Variants in ATG4C observed in about 807,000 individuals in gnomAD.
ATG4C encodes the protein autophagy related 4C cysteine peptidase.
A neutral mutation model predicts 57.6 loss-of-function variants in ATG4C; 56 were observed. The observed-to-expected ratio is 0.97, with a 90% CI of 0.78 to 1.21. The LOEUF is 1.21. Ranked by LOEUF, ATG4C falls within the 50% of genes most tolerant of loss-of-function variation. ATG4C has a pLI of 0.00. For missense variants in ATG4C, 595 were observed against 529.8 expected (o/e 1.12, Z -1.21); for synonymous variants, 157 against 174.1 (o/e 0.90, Z 0.78).
intron 10 of ATG4C, among the ~76,000 whole-genome samples, chr1:62,860,497 A>T (rs935750255): frequency 6.6e-6 from 1 of 152,198 alleles, no homozygotes; most frequent in Non-Finnish European, 1.5e-5. Context: ...ACACTAGGTG[A>T]TAGGAATTTT....
At chr1:62,802,886 T>C (rs1664729574) in intron 1 of ATG4C, among the ~76,000 whole-genome samples, 1 of 152,238 alleles carries the variant, frequency 6.6e-6, no homozygotes, top group African/African-American at 2.4e-5. Context: ...TATTATAAAA[T>C]GGAATGTCTA....
At chr1:62,838,696 C>T (rs1407073293) in intron 9 of ATG4C, among the ~76,000 whole-genome samples, 2 of 151,660 alleles carry the variant, frequency 1.3e-5, no homozygotes, top group African/African-American at 4.9e-5. Flanking sequence ...AGAGGAATTG[C>T]TTGAACCTGG....
intron 10 of ATG4C, 72 bp downstream of exon 10, chr1:62,841,619 A>T: frequency 8.0e-7 from 1 of 1,243,090 alleles, no homozygotes; most frequent in Admixed American, 2.7e-5. Flanking sequence ...GAAAGCAAAA[A>T]CCTGTAAATT....
intron 9 of ATG4C, among the ~76,000 whole-genome samples, chr1:62,840,728 C>T (rs1666140802): frequency 6.6e-6 from 1 of 152,108 alleles, no homozygotes; most frequent in Non-Finnish European, 1.5e-5. Flanking sequence ...AGGGCAGCCT[C>T]CCCAGCCCAT....
intron 3 of ATG4C, among the ~76,000 whole-genome samples, chr1:62,816,093 G>A (rs2100313275): frequency 1.3e-5 from 2 of 152,268 alleles, no homozygotes; most frequent in South Asian, 4.2e-4. Context: ...TCTTCTTCCA[G>A]CTTTTGTGTA....
At chr1:62,784,719 G>C (rs1664025805) in intron 1 of ATG4C, among the ~76,000 whole-genome samples, 1 of 151,926 alleles carries the variant, frequency 6.6e-6, no homozygotes, top group Non-Finnish European at 1.5e-5. Flanking sequence ...CTCCCTTTTT[G>C]GTGTTTGTTA....
chr1:62,855,918 G>C lies in ATG4C; in HGVS notation c.1210-8074G>C, dbSNP rs556513549. Among the ~76,000 whole-genome samples, 5 of 152,184 alleles carry C rather than the reference G, an allele frequency of 3.3e-5. No individual in the cohort carries two copies. In the East Asian group the frequency reaches 7.7e-4, roughly 23 times the overall value. ...AGTTGAGTATCTAATCTTTATTTCA[G>C]GTTATAGTGAGCTAATGACTTTTCC... On this transcript the variant is annotated intron_variant, in intron 10 of 10. Coordinates refer to ENST00000317868, the MANE Select transcript of ATG4C (RefSeq NM_032852.4).
Position 62,821,126 on chromosome 1 carries a change from G to A in ATG4C, c.726-13G>A. On this transcript the variant is annotated splice_polypyrimidine_tract_variant and intron_variant, in intron 5 of 10. Coordinates refer to ENST00000317868, the MANE Select transcript of ATG4C (RefSeq NM_032852.4). ...GTTAGGATTTTGAAAGATAATGCTT[G>A]TTATTTTCTCAGAAAAGCAGTTGAA... 1 of 1,578,004 alleles carries A rather than the reference G, an allele frequency of 6.3e-7. No homozygotes were observed. Among genetic ancestry groups the A allele is most frequent in the Non-Finnish European group, 8.6e-7 (1 of 1,164,186 alleles).
At chr1:62,799,930 C>T (rs1376625947) in intron 1 of ATG4C, among the ~76,000 whole-genome samples, 1 of 151,680 alleles carries the variant, frequency 6.6e-6, no homozygotes, top group East Asian at 1.9e-4. Flanking sequence ...TCTCATTACC[C>T]TTCCTAGCCG....
chr1:62,829,109 T>A lies in ATG4C; in HGVS notation c.866T>A (p.Val289Asp). The A allele has an allele frequency of 6.2e-7, 1 of 1,613,188 alleles. No individual in the cohort carries two copies. The highest frequency in any genetic ancestry group is 8.5e-7 in the Non-Finnish European group (1 of 1,179,378). The change falls in exon 7 of 11, where the codon GTT becomes GAT. Residue 289 changes from valine (V) to aspartate (D), a missense_variant. Coordinates refer to ENST00000317868, the MANE Select transcript of ATG4C (RefSeq NM_032852.4). ...TCTGATAATGCAGATGACAAAGCTG[T>A]TATTATTCTAGTTCCTGTTAGACTT... ...MTSDNADDKAVIILVPVRLGG... is the reference protein window; with the variant it reads ...MTSDNADDKADIILVPVRLGG...
At chr1:62,819,415 A>G in intron 5 of ATG4C, 80 bp downstream of exon 5, 1 of 1,138,102 alleles carries the variant, frequency 8.8e-7, no homozygotes, top group Non-Finnish European at 1.2e-6. Flanking sequence ...ATGTGTATAT[A>G]TAATTGGAAC....
At position 62,803,828 on chromosome 1, in the gene ATG4C, C is replaced by T; in HGVS notation, c.42C>T (p.Thr14=). 1.9e-6 allele frequency: 3 copies of T among 1,603,460 alleles called. No homozygotes were observed. The highest frequency in any genetic ancestry group is 2.6e-6 in the Non-Finnish European group (3 of 1,174,368). The part of the protein sequence containing the change: ...TGTDEVDKLK[T]KFISAWNNMK... Reference sequence around the variant, plus strand: ...CAGATGAAGTTGACAAGCTAAAAACCAAATTTATATCTGCTTGGAACAACA... The same window carrying T: ...CAGATGAAGTTGACAAGCTAAAAACTAAATTTATATCTGCTTGGAACAACA... The change falls in exon 2 of 11, where the codon ACC becomes ACT. Residue 14 remains threonine, a synonymous_variant. Coordinates refer to ENST00000317868, the MANE Select transcript of ATG4C (RefSeq NM_032852.4).
intron 10 of ATG4C, among the ~76,000 whole-genome samples, chr1:62,844,248 C>T (rs1477407182): frequency 6.6e-6 from 1 of 152,158 alleles, no homozygotes; most frequent in Non-Finnish European, 1.5e-5. Context: ...ATTTGAGAAC[C>T]ACTTGCATAA....
rs6673350 is a variant in ATG4C at position 62,802,429 on chromosome 1, C to T, written c.-68-1290C>T. ...TTTGGATTTTGGATTTTCGGATTAACGATCCTCAACTAGTAAGTATACATA... is the reference window on the plus strand; with the variant it reads ...TTTGGATTTTGGATTTTCGGATTAATGATCCTCAACTAGTAAGTATACATA... On this transcript the variant is annotated intron_variant, in intron 1 of 10. Coordinates refer to ENST00000317868, the MANE Select transcript of ATG4C (RefSeq NM_032852.4). 7.6e-4 allele frequency among the ~76,000 whole-genome samples: 114 copies of T among 149,140 alleles called. 1 individual carries two copies. Among genetic ancestry groups the T allele is most frequent in the South Asian group, 7.0e-3 (33 of 4,722 alleles).
At chr1:62,844,827 A>G (rs570343781) in intron 10 of ATG4C, among the ~76,000 whole-genome samples, 1 of 152,124 alleles carries the variant, frequency 6.6e-6, no homozygotes, top group African/African-American at 2.4e-5. Flanking sequence ...TGATATTTTT[A>G]TATAAAGAGA....
At position 62,857,195 on chromosome 1, in the gene ATG4C, G is replaced by T. The variant is rs1269414495; in HGVS notation, c.1210-6797G>T. Among the ~76,000 whole-genome samples the T allele has an allele frequency of 4.6e-5, 7 of 152,208 alleles. No homozygotes were observed. The East Asian group carries it at 9.7e-4, about 21-fold the overall frequency. ...GGCTGCAAGCAGAAGGTGAGCGGCG[G>T]GTTAGCGAGCGAAGCTTCCTCTGTG... On this transcript the variant is annotated intron_variant, in intron 10 of 10. Transcript: ENST00000317868.
Position 62,801,978 on chromosome 1 carries a change from A to G in ATG4C, c.-68-1741A>G, listed in dbSNP as rs7547560. Among the ~76,000 whole-genome samples the G allele has an allele frequency of 5.6e-4, 81 of 143,862 alleles. 2 individuals carry two copies. The highest frequency in any genetic ancestry group is 1.8e-3 in the African/African-American group (70 of 38,216). The allele number at this position is 143,862 out of a possible 152,430, so 94.4% of individuals were successfully genotyped here. ...GTCTCCAAAAAAAAAAAAAAAAAAA[A>G]AAAAAAAGAAAAAAAGAAAAGAACT... On this transcript the variant is annotated intron_variant, in intron 1 of 10. Coordinates refer to ENST00000317868, the MANE Select transcript of ATG4C (RefSeq NM_032852.4).
chr1:62,851,141 T>C (rs928399745), intron 10 of ATG4C, among the ~76,000 whole-genome samples: 4 of 151,922 alleles, frequency 2.6e-5, no homozygotes, highest in African/African-American at 7.2e-5. Context: ...GATTGAGTTA[T>C]AGAAAATCTA....
At chr1:62,790,794 G>A (rs966346280) in intron 1 of ATG4C, among the ~76,000 whole-genome samples, 8 of 152,152 alleles carry the variant, frequency 5.3e-5, no homozygotes, top group Non-Finnish European at 7.4e-5. Context: ...AATTAGGAGT[G>A]CAAGAAAAGT....
Sources: gnomAD v4.1 joint callset for allele counts (sites outside exome capture counted in the v4.1 genomes callset) on GRCh38, gnomAD v4.1.1 for gene constraint, MANE v1.5 for transcripts, NCBI Gene and HGNC (gene_info 2026-07-23, HGNC 2026-07-21) for gene names.